The following COP1 variants were observed in gnomAD, a reference collection of about 807,000 sequenced individuals.
The protein encoded by COP1 is COP1 E3 ubiquitin ligase.
A neutral mutation model predicts 101.3 loss-of-function variants in COP1; 24 were observed. The observed-to-expected ratio is 0.24, with a 90% CI of 0.17 to 0.33. COP1 has a LOEUF of 0.33. Ranked by LOEUF, COP1 falls within the 10% of genes least tolerant of loss-of-function variation. The pLI, the probability that COP1 is intolerant of heterozygous loss-of-function variation, is 1.00. For synonymous variants in COP1, 347 were observed against 341.9 expected (o/e 1.01, Z -0.17); for missense variants, 663 against 906.2 (o/e 0.73, Z 3.45).
At chr1:176,087,957 G>A (rs535496093) in intron 9 of COP1, among the ~76,000 whole-genome samples, 11 of 152,244 alleles carry the variant, frequency 7.2e-5, no homozygotes, top group Non-Finnish European at 1.2e-4. Context: ...CCTTTGTAGC[G>A]ACATGGATGA....
At chr1:176,071,317 A>G (rs1676968405) in intron 11 of COP1, among the ~76,000 whole-genome samples, 1 of 152,026 alleles carries the variant, frequency 6.6e-6, no homozygotes, top group Non-Finnish European at 1.5e-5. Flanking sequence ...CTAGAAACTG[A>G]GCAGATGCCA....
intron 15 of COP1, among the ~76,000 whole-genome samples, chr1:176,008,826 A>C (rs923079802): frequency 2.6e-5 from 4 of 152,152 alleles, no homozygotes; most frequent in African/African-American, 9.7e-5. Context: ...TGACATCTTT[A>C]ATGAGTTTTT....
At chr1:176,202,868 A>C (rs1318397075) in intron 1 of COP1, among the ~76,000 whole-genome samples, 4 of 152,140 alleles carry the variant, frequency 2.6e-5, no homozygotes, top group African/African-American at 9.7e-5. Flanking sequence ...AGAGGCAATG[A>C]TACCAGGTTA....
intron 8 of COP1, among the ~76,000 whole-genome samples, chr1:176,132,316 A>C (rs770584656): frequency 5.3e-5 from 8 of 151,822 alleles, no homozygotes; most frequent in Non-Finnish European, 1.0e-4. Flanking sequence ...ACCTCCTTGG[A>C]GAAGCCTGGC....
chr1:176,137,492 C>T (rs1689991843), intron 6 of COP1, among the ~76,000 whole-genome samples: 3 of 152,142 alleles, frequency 2.0e-5, no homozygotes, highest in Admixed American at 6.5e-5. Flanking sequence ...GGTTGTCTTA[C>T]TCTAACCTGG....
intron 1 of COP1, among the ~76,000 whole-genome samples, chr1:176,198,058 A>C (rs1699886289): frequency 6.6e-6 from 1 of 152,182 alleles, no homozygotes; most frequent in Admixed American, 6.5e-5. Flanking sequence ...GATAATATTA[A>C]GATGTCATCT....
chr1:176,032,571 C>T (rs985367117), intron 14 of COP1, among the ~76,000 whole-genome samples: 1 of 152,160 alleles, frequency 6.6e-6, no homozygotes, highest in East Asian at 1.9e-4. Flanking sequence ...CCTCCTAGGA[C>T]TCTAGACTAT....
chr1:176,153,163 T>A (rs1482864318), intron 5 of COP1, among the ~76,000 whole-genome samples: 1 of 152,054 alleles, frequency 6.6e-6, no homozygotes, highest in East Asian at 1.9e-4. Flanking sequence ...TTCATCAAAT[T>A]TTCTATTCTC....
In COP1 at chr1:176,036,510, A is replaced by C. The variant is rs374305639; in HGVS notation, c.1612+6676T>G. Among the ~76,000 whole-genome samples the C allele has an allele frequency of 1.4e-3, 206 of 149,266 alleles. 1 individual carries two copies. Among genetic ancestry groups the C allele is most frequent in the East Asian group, 0.011 (59 of 5,178 alleles). On this transcript the variant is annotated intron_variant, in intron 14 of 19. Coordinates refer to ENST00000367669, the MANE Select transcript of COP1 (RefSeq NM_022457.7). ...GGTAATGAAAAAAACAAAAAAACAA[A>C]AAAAAAAAAAAAAAAAGCATGGCTA...
At chr1:176,154,446 T>C (rs918798740) in intron 5 of COP1, among the ~76,000 whole-genome samples, 2 of 151,622 alleles carry the variant, frequency 1.3e-5, no homozygotes, top group Non-Finnish European at 2.9e-5. Flanking sequence ...CACGATAGAA[T>C]GCTATGCAGC....
intron 18 of COP1, among the ~76,000 whole-genome samples, chr1:175,979,687 C>T (rs1655350370): frequency 1.3e-5 from 2 of 152,042 alleles, no homozygotes; most frequent in African/African-American, 4.8e-5. Context: ...TCCCAAGGGG[C>T]AAAATGGTAT....
At chr1:176,144,424 G>A (rs929588453) in intron 6 of COP1, among the ~76,000 whole-genome samples, 3 of 151,994 alleles carry the variant, frequency 2.0e-5, no homozygotes, top group African/African-American at 7.2e-5. Context: ...AAATTTTAAG[G>A]CTATTTTAAA....
chr1:176,188,928 A>G (rs1175471853), intron 1 of COP1, among the ~76,000 whole-genome samples: 1 of 152,166 alleles, frequency 6.6e-6, no homozygotes, highest in African/African-American at 2.4e-5. Flanking sequence ...AATTGAAGTC[A>G]CAGATGACAG....
chr1:175,980,497 G>C (rs1271216700), intron 18 of COP1, among the ~76,000 whole-genome samples: 2 of 152,164 alleles, frequency 1.3e-5, no homozygotes, highest in Non-Finnish European at 2.9e-5. Context: ...TAACTGCATA[G>C]AAAGTATTAC....
At chr1:176,190,035 G>A (rs1698948985) in intron 1 of COP1, among the ~76,000 whole-genome samples, 1 of 151,870 alleles carries the variant, frequency 6.6e-6, no homozygotes, top group Non-Finnish European at 1.5e-5. Flanking sequence ...AAAAAAAGAT[G>A]GTTATTATAG....
At chr1:175,949,070 G>A (rs1192277815) in intron 18 of COP1, among the ~76,000 whole-genome samples, 2 of 147,904 alleles carry the variant, frequency 1.4e-5, no homozygotes, top group Admixed American at 1.4e-4. Context: ...GGCTGAGGCA[G>A]GGGAAGTGCT....
chr1:176,140,252 AC>A (rs1291941557), intron 6 of COP1, among the ~76,000 whole-genome samples: 2 of 152,182 alleles, frequency 1.3e-5, no homozygotes, highest in Non-Finnish European at 2.9e-5. Context: ...CAATAATAAA[AC>A]AATTTTTACT....
intron 1 of COP1, among the ~76,000 whole-genome samples, chr1:176,187,120 A>C (rs1698555060): frequency 6.6e-6 from 1 of 152,096 alleles, no homozygotes; most frequent in Non-Finnish European, 1.5e-5. Flanking sequence ...AAGAGAATCA[A>C]AGAAGGTCTC....
At chr1:176,169,552 G>A (rs939839641) in intron 3 of COP1, among the ~76,000 whole-genome samples, 3 of 152,048 alleles carry the variant, frequency 2.0e-5, no homozygotes, top group African/African-American at 7.2e-5. Flanking sequence ...TTCTGTTTAC[G>A]CTATACCGTA....
Sources: gnomAD v4.1 joint callset for allele counts (sites outside exome capture counted in the v4.1 genomes callset) on GRCh38, gnomAD v4.1.1 for gene constraint, MANE v1.5 for transcripts, NCBI Gene and HGNC (gene_info 2026-07-23, HGNC 2026-07-21) for gene names.